UBAC1: variants seen among roughly 807,000 people sequenced by gnomAD.
The protein encoded by UBAC1 is UBA domain containing 1.
UBAC1 carries 27 observed loss-of-function variants against 45.9 expected under a neutral mutation model. That is an observed-to-expected ratio of 0.59 (90% confidence interval 0.43 to 0.81). The LOEUF (loss-of-function observed/expected upper bound fraction) is 0.81. Among genes scored for constraint, UBAC1 ranks in the 30% least tolerant of loss-of-function variants. The pLI is 0.00. For missense variants in UBAC1, 529 were observed against 539.2 expected (o/e 0.98, Z 0.19); for synonymous variants, 227 against 215.5 (o/e 1.05, Z -0.47).
chr9:135,945,768 CCCA>C, intron 6 of UBAC1, 118 bp downstream of exon 6: 1 of 739,602 alleles, frequency 1.4e-6, no homozygotes, highest in Non-Finnish European at 2.2e-6. Flanking sequence ...TCTTCAAAAC[CCCA>C]CGTTAGAAAT....
At chr9:135,958,074 T>C (rs1345303227) in intron 1 of UBAC1, among the ~76,000 whole-genome samples, 1 of 134,382 alleles carries the variant, frequency 7.4e-6, no homozygotes, top group Non-Finnish European at 1.6e-5. Flanking sequence ...TGAGACGGAG[T>C]CTCTCTCCGT....
At chr9:135,944,069 C>A (rs1564196142) in intron 7 of UBAC1, among the ~76,000 whole-genome samples, 1 of 152,216 alleles carries the variant, frequency 6.6e-6, no homozygotes, top group South Asian at 2.1e-4. Flanking sequence ...CACCATGGCA[C>A]ATGTTTACCT....
chr9:135,955,061 C>T (rs1839450419), intron 2 of UBAC1, among the ~76,000 whole-genome samples: 2 of 152,230 alleles, frequency 1.3e-5, no homozygotes, highest in South Asian at 4.1e-4. Context: ...TCACATTTGG[C>T]TTCTCAAATG....
At chr9:135,951,804 CTG>C (rs1014738632) in intron 3 of UBAC1, among the ~76,000 whole-genome samples, 1 of 152,078 alleles carries the variant, frequency 6.6e-6, no homozygotes, top group African/African-American at 2.4e-5. Context: ...AAGCGAAACT[CTG>C]TCTCAAAAAT....
At chr9:135,952,648 A>G (rs1839420033) in intron 3 of UBAC1, among the ~76,000 whole-genome samples, 1 of 152,250 alleles carries the variant, frequency 6.6e-6, no homozygotes. Flanking sequence ...TTTTGCAAGA[A>G]ATAGACAAGA....
chr9:135,937,440 CAA>C (rs57527185), intron 9 of UBAC1, among the ~76,000 whole-genome samples: 3 of 99,840 alleles, frequency 3.0e-5, no homozygotes, highest in Admixed American at 1.1e-4. Context: ...GACTCTGTCT[CAA>C]AAAAAAAAAA....
intron 1 of UBAC1, among the ~76,000 whole-genome samples, chr9:135,959,951 G>C (rs193232048): frequency 6.6e-6 from 1 of 152,312 alleles, no homozygotes; most frequent in African/African-American, 2.4e-5. Context: ...GGCTTGCCAA[G>C]CTTGCCTCTG....
chr9:135,947,481 G>C (rs886706418), intron 4 of UBAC1: 3 of 263,884 alleles, frequency 1.1e-5, no homozygotes, highest in Non-Finnish European at 2.1e-5. Context: ...TCGAACTTCT[G>C]ACCTCAGGTG....
chr9:135,961,064 G>GTCC lies in UBAC1; in HGVS notation c.96_98dup (p.Glu32dup). On this transcript the variant is annotated inframe_insertion, in exon 1 of 10. Transcript: ENST00000371756. ...GCTCCTTGAGCTTCTCCACCGAGGT[G>GTCC]TCCTCGGTGGCCTCCTCCAGCCACT... 1 of 1,581,876 alleles carries GTCC rather than the reference G, an allele frequency of 6.3e-7. No individual in the cohort carries two copies. The highest frequency in any genetic ancestry group is 8.5e-7 in the Non-Finnish European group (1 of 1,169,746).
At chr9:135,949,009 G>A (rs1246852017) in intron 3 of UBAC1, among the ~76,000 whole-genome samples, 2 of 149,822 alleles carry the variant, frequency 1.3e-5, no homozygotes, top group Non-Finnish European at 3.0e-5. Flanking sequence ...GGTGAGCTGA[G>A]ATCACACCAC....
intron 3 of UBAC1, among the ~76,000 whole-genome samples, chr9:135,953,169 A>G (rs1229572588): frequency 6.6e-6 from 1 of 152,182 alleles, no homozygotes; most frequent in Non-Finnish European, 1.5e-5. Context: ...TCCCGTGAGC[A>G]GGGAGGGACC....
intron 9 of UBAC1, among the ~76,000 whole-genome samples, chr9:135,937,763 G>A (rs1839217122): frequency 6.6e-6 from 1 of 152,212 alleles, no homozygotes; most frequent in African/African-American, 2.4e-5. Context: ...GTAGATACAT[G>A]GCTATTAGTT....
intron 9 of UBAC1, among the ~76,000 whole-genome samples, chr9:135,934,191 C>T (rs576595356): frequency 6.6e-6 from 1 of 152,320 alleles, no homozygotes; most frequent in South Asian, 2.1e-4. Flanking sequence ...CCCAGGTCTA[C>T]AGGCTCCAGG....
chr9:135,945,116 G>T lies in UBAC1; in HGVS notation c.788C>A (p.Ala263Asp). The T allele has an allele frequency of 6.2e-7, 1 of 1,614,026 alleles. No homozygotes were observed. Among genetic ancestry groups the T allele is most frequent in the African/African-American group, 1.3e-5 (1 of 75,062 alleles). ...TCTGGCCTCCTCATCGGTGGCGCTG[G>T]CTCCCGCGGCAGCCTCGGAGGCAGC... is the stretch of plus-strand genomic sequence containing the variant. ...TAAASEAAAG[A>D]SATDEEARDE... is the part of the protein sequence containing the mutation. Residue 263 changes from alanine to aspartate, a missense_variant, in exon 7 of 10, where the codon GCC becomes GAC. Physicochemically the swap from Ala to Asp is moderately radical, Grantham distance 126. Coordinates refer to ENST00000371756, the MANE Select transcript of UBAC1 (RefSeq NM_016172.3).
chr9:135,948,135 G>A (rs936865988), intron 3 of UBAC1: 9 of 486,402 alleles, frequency 1.9e-5, no homozygotes, highest in Middle Eastern at 5.1e-4. Flanking sequence ...AGCGGTAGGT[G>A]AGGGGCAGAG....
chr9:135,945,531 A>G (rs770480644), intron 6 of UBAC1: 12 of 505,776 alleles, frequency 2.4e-5, no homozygotes, highest in Non-Finnish European at 3.8e-5. Context: ...CACAGGGGGA[A>G]CTGCCCCCGG....
chr9:135,941,291 A>G (rs1428594206), intron 7 of UBAC1, among the ~76,000 whole-genome samples: 1 of 152,130 alleles, frequency 6.6e-6, no homozygotes, highest in Non-Finnish European at 1.5e-5. Flanking sequence ...CTGTAATCCC[A>G]GCTACTCGGG....
At chr9:135,950,452 T>C (rs1261595595) in intron 3 of UBAC1, among the ~76,000 whole-genome samples, 7 of 152,220 alleles carry the variant, frequency 4.6e-5, no homozygotes, top group African/African-American at 1.7e-4. Flanking sequence ...AGAAGCTTTA[T>C]CGGCTCTGTG....
chr9:135,946,420 A>G, intron 4 of UBAC1, 49 bp from the exon 5 acceptor site: 1 of 1,202,786 alleles, frequency 8.3e-7, no homozygotes, highest in East Asian at 2.3e-5. Context: ...CACCAAACCT[A>G]CTTGGATCTA....
Sources: gnomAD v4.1 joint callset for allele counts (sites outside exome capture counted in the v4.1 genomes callset) on GRCh38, gnomAD v4.1.1 for gene constraint, MANE v1.5 for transcripts, NCBI Gene and HGNC (gene_info 2026-07-23, HGNC 2026-07-21) for gene names.